The following EXOC3 variants were observed in gnomAD, a reference collection of about 807,000 sequenced individuals.
EXOC3 encodes exocyst complex component 3, also known as SEC6-like 1.
EXOC3 carries 21 observed loss-of-function variants against 73.7 expected under a neutral mutation model. The observed-to-expected ratio is 0.29, with a 90% CI of 0.20 to 0.41. The LOEUF (loss-of-function observed/expected upper bound fraction) is 0.41, where lower values mean the gene tolerates loss of function less well. Ranked by LOEUF, EXOC3 falls within the 10% of genes least tolerant of loss-of-function variation. EXOC3 has a pLI of 1.00. For missense variants in EXOC3, 842 were observed against 985.1 expected, an observed-to-expected ratio of 0.85 and a Z score of 1.95; for synonymous variants, 410 against 389.1, an observed-to-expected ratio of 1.05 and a Z score of -0.63.
chr5:451,357 C>T (rs989260942), intron 3 of EXOC3, among the ~76,000 whole-genome samples: 4 of 152,152 alleles, frequency 2.6e-5, no homozygotes, highest in Admixed American at 2.6e-4. Flanking sequence ...GTTCATTTCA[C>T]AAAATTACAT....
At chr5:464,910 G>C (rs377365594) in intron 10 of EXOC3, 8 of 612,268 alleles carry the variant, frequency 1.3e-5, no homozygotes, top group Non-Finnish European at 2.2e-5. Flanking sequence ...GGCCTGGTGC[G>C]GGGGTCCAGG....
At position 446,136 on chromosome 5, in the gene EXOC3, A is replaced by C; in HGVS notation, c.-56-14A>C. On this transcript the variant is annotated splice_polypyrimidine_tract_variant and intron_variant, in intron 1 of 12. Transcript: ENST00000512944. ...TTGTACCTAACATTTCTACCGTCCT[A>C]ACAACTCCTGCAGTGCACAGAGAAC... The C allele has an allele frequency of 6.3e-7, 1 of 1,587,232 alleles. No individual in the cohort carries two copies. The highest frequency in any genetic ancestry group is 1.1e-5 in the South Asian group (1 of 90,114).
intron 11 of EXOC3, 76 bp downstream of exon 11, chr5:465,348 G>A: frequency 9.4e-6 from 14 of 1,482,942 alleles, no homozygotes; most frequent in Non-Finnish European, 1.3e-5. Flanking sequence ...CCGGGACTCG[G>A]GCCAGTAGAT....
chr5:451,877 C>G (rs1261603995), intron 3 of EXOC3, among the ~76,000 whole-genome samples: 1 of 152,166 alleles, frequency 6.6e-6, no homozygotes, highest in African/African-American at 2.4e-5. Context: ...ATATGTCATC[C>G]CACTGCCTCT....
chr5:456,164 C>T (rs1035623865), intron 4 of EXOC3, among the ~76,000 whole-genome samples: 7 of 152,176 alleles, frequency 4.6e-5, no homozygotes, highest in Non-Finnish European at 8.8e-5. Context: ...CAAAATCCTC[C>T]GTAGCCCAAG....
intron 9 of EXOC3, 59 bp from the exon 10 acceptor site, chr5:464,231 C>G: frequency 1.3e-6 from 2 of 1,566,174 alleles, no homozygotes; most frequent in Non-Finnish European, 8.7e-7. Flanking sequence ...CTCCCACATG[C>G]ACTCGGCTCT....
intron 9 of EXOC3, among the ~76,000 whole-genome samples, chr5:462,946 A>G (rs1162683583): frequency 1.3e-5 from 2 of 152,192 alleles, no homozygotes; most frequent in Non-Finnish European, 2.9e-5. Flanking sequence ...TCTCTACTCA[A>G]AATACAAAAT....
chr5:452,828 A>G (rs1737694990), intron 3 of EXOC3, among the ~76,000 whole-genome samples: 2 of 152,366 alleles, frequency 1.3e-5, no homozygotes. Context: ...GAATGTCTTC[A>G]TTCATAAATA....
At chr5:459,786 C>T (rs1368685212) in intron 7 of EXOC3, among the ~76,000 whole-genome samples, 1 of 152,252 alleles carries the variant, frequency 6.6e-6, no homozygotes, top group East Asian at 1.9e-4. Flanking sequence ...GTGGCGACTC[C>T]TGCCGCAGTG....
At chr5:465,369 C>T (rs1738112394) in intron 11 of EXOC3, 97 bp downstream of exon 11, 3 of 1,366,292 alleles carry the variant, frequency 2.2e-6, no homozygotes, top group Non-Finnish European at 2.0e-6. Flanking sequence ...GGGAGTGTGT[C>T]GTGTGTTTGT....
intron 3 of EXOC3, among the ~76,000 whole-genome samples, chr5:450,894 CTTTCAACCTA>C (rs1306896363): frequency 6.6e-6 from 1 of 151,602 alleles, no homozygotes; most frequent in African/African-American, 2.4e-5. Context: ...CACCCTTTTA[CTTTCAACCTA>C]TTTGTGTCTT....
chr5:461,131 C>T (rs1226217505), intron 7 of EXOC3, among the ~76,000 whole-genome samples: 3 of 151,672 alleles, frequency 2.0e-5, no homozygotes, highest in African/African-American at 4.9e-5. Flanking sequence ...AGGTTCCTAA[C>T]ACTATGAGTT....
chr5:464,231 C>CA, intron 9 of EXOC3, 59 bp from the exon 10 acceptor site: 2 of 1,566,174 alleles, frequency 1.3e-6, no homozygotes, highest in Non-Finnish European at 1.7e-6. Flanking sequence ...CTCCCACATG[C>CA]ACTCGGCTCT....
rs969753376 is a variant in EXOC3, at chr5:465,586, T to C, written c.1939-132T>C. ...CAGACCCCTGGCCCTGTCACTGAGCTTTCAGAGTAGATCCTGAGGAGTCAG... is the reference window on the plus strand; with the variant it reads ...CAGACCCCTGGCCCTGTCACTGAGCCTTCAGAGTAGATCCTGAGGAGTCAG... On this transcript the variant is annotated intron_variant, in intron 11 of 12. Transcript: ENST00000512944. 136 of 1,197,598 alleles carry C rather than the reference T, an allele frequency of 1.1e-4. 1 individual carries two copies. The Admixed American group carries it at 2.9e-3, about 25-fold the overall frequency. The allele number at this position is 1,197,598 out of a possible 1,614,324, so 74.2% of individuals were successfully genotyped here. A position where few individuals can be genotyped will look rare whatever the true frequency, so the allele number is the denominator to read the frequency against.
In EXOC3 at chr5:457,478, C is replaced by T. The variant is rs72698503; in HGVS notation, c.1165-422C>T. ...GCAAGGCAGCATTATGACCAGAAGC[C>T]GAGGTGTCCTCAGGAGCTGGGGAAG... On this transcript the variant is annotated intron_variant, in intron 5 of 12. Transcript: ENST00000512944. 3.9e-3 allele frequency: 876 copies of T among 226,716 alleles called. 2 individuals are homozygous for T. Among genetic ancestry groups the T allele is most frequent in the Non-Finnish European group, 6.4e-3 (728 of 113,062 alleles). 14.0% of individuals were successfully genotyped at this position (226,716 alleles called of 1,614,324 possible).
Position 466,842 on chromosome 5 carries a change from C to T in EXOC3, c.2182C>T (p.Pro728Ser). The part of the protein sequence containing the change: ...GPAQASPSYV[P>S]LFKDIVVPSL... Reference sequence around the variant, plus strand: ...AGCACAGGCCAGCCCCAGCTACGTGCCCCTCTTCAAGGACATTGTGGTGCC... The same window carrying T: ...AGCACAGGCCAGCCCCAGCTACGTGTCCCTCTTCAAGGACATTGTGGTGCC... Residue 728 changes from proline to serine, a missense_variant, in exon 13 of 13, where the codon CCC becomes TCC. Pro to Ser is a moderately conservative substitution (Grantham distance 74, BLOSUM62 -1). Transcript: ENST00000512944. The T allele has an allele frequency of 1.2e-6, 2 of 1,613,050 alleles. No homozygotes were observed. Among genetic ancestry groups the T allele is most frequent in the Non-Finnish European group, 1.7e-6 (2 of 1,179,590 alleles).
chr5:466,933 C>G lies in EXOC3; in HGVS notation c.*35C>G. 6.4e-7 allele frequency: 1 copy of G among 1,554,592 alleles called. No individual in the cohort carries two copies. The highest frequency in any genetic ancestry group is 8.7e-7 in the Non-Finnish European group (1 of 1,147,656). On this transcript the variant is annotated 3_prime_UTR_variant, in exon 13 of 13. Transcript: ENST00000512944. ...GCCTGCCCTGCTCGCCCCTCCACAGCCTCGGTCCCTGCCTTTAGAAACGCG... is the reference window on the plus strand; with the variant it reads ...GCCTGCCCTGCTCGCCCCTCCACAGGCTCGGTCCCTGCCTTTAGAAACGCG...
At chr5:444,124 GTCCC>G (rs1157038469) in intron 1 of EXOC3, among the ~76,000 whole-genome samples, 2 of 152,252 alleles carry the variant, frequency 1.3e-5, no homozygotes, top group East Asian at 3.8e-4. Context: ...GCAGTAGGGT[GTCCC>G]CCCGCTCGGC....
At chr5:464,968 AG>A (rs1738097052) in intron 10 of EXOC3, 142 bp from the exon 11 acceptor site, 2 of 849,326 alleles carry the variant, frequency 2.4e-6, no homozygotes, top group Non-Finnish European at 3.5e-6. Context: ...CTCTGCGGTG[AG>A]ATGCCAGAGC....
Sources: gnomAD v4.1 joint callset for allele counts (sites outside exome capture counted in the v4.1 genomes callset) on GRCh38, gnomAD v4.1.1 for gene constraint, MANE v1.5 for transcripts, NCBI Gene and HGNC (gene_info 2026-07-23, HGNC 2026-07-21) for gene names.